SLC16A5: variants seen among roughly 807,000 people sequenced by gnomAD.
The protein encoded by SLC16A5 is monocarboxylate transporter 6.
Under a neutral mutation model 33.2 loss-of-function variants are expected in SLC16A5, and 29 were observed. The ratio of observed to expected loss-of-function variants is 0.87; its 90% CI spans 0.65 to 1.19. The LOEUF (loss-of-function observed/expected upper bound fraction) is 1.19, where lower values mean the gene tolerates loss of function less well. Ranked by LOEUF, SLC16A5 falls within the 50% of genes most tolerant of loss-of-function variation. The pLI, the probability that SLC16A5 is intolerant of heterozygous loss-of-function variation, is 0.00. For synonymous variants in SLC16A5, 248 were observed against 284.1 expected (o/e 0.87, Z 1.28); for missense variants, 606 against 678.2 (o/e 0.89, Z 1.18).
At chr17:75,109,321 G>A (rs111492455), downstream of SLC16A5, among the ~76,000 whole-genome samples, 671 of 152,284 alleles carry the variant, frequency 4.4e-3, 2 homozygotes, top group African/African-American at 0.015. This position sits in a 1 kb window ranked among gnomAD's most constrained non-coding sequence, Gnocchi z 5.0. Context: ...CAGAGGTGGC[G>A]GACCCACCTC....
intron 1 of SLC16A5, among the ~76,000 whole-genome samples, chr17:75,088,495 C>T (rs2031273821): frequency 6.6e-6 from 1 of 152,146 alleles, no homozygotes; most frequent in South Asian, 2.1e-4. Flanking sequence ...GCCCCAGCCA[C>T]CCCACCTCTG....
In SLC16A5 at chr17:75,100,710, C is replaced by A. The variant is rs773792895; in HGVS notation, c.1047C>A (p.Ile349=). ...CCATGAGTGGCATCGGCGCCCTCAT[C>A]TTCCAGGTTCTCATGGACATCGTCC... ...SVSMSGIGAL[I]FQVLMDIVPM... is the part of the protein sequence containing the mutation. Residue 349 remains isoleucine, a synonymous_variant, in exon 5 of 7, where the codon ATC becomes ATA. Transcript: ENST00000329783. The A allele has an allele frequency of 3.5e-5, 56 of 1,614,106 alleles. No individual in the cohort carries two copies. The highest frequency in any genetic ancestry group is 4.7e-5 in the Non-Finnish European group (55 of 1,180,054).
In SLC16A5 at chr17:75,103,054, C is replaced by G. The variant is rs758669585; in HGVS notation, c.1154-916C>G. Among the ~76,000 whole-genome samples the G allele has an allele frequency of 4.6e-5, 7 of 152,170 alleles. No individual in the cohort carries two copies. The South Asian group carries it at 1.4e-3, about 31-fold the overall frequency. On this transcript the variant is annotated intron_variant, in intron 5 of 6. Transcript: ENST00000329783. ...TACAGGTGCGTGCCACCACACTCGG[C>G]TAATTTTTGTATTTTTAGTAGAGAT...
At chr17:75,099,837 G>A (rs1336645617) in intron 4 of SLC16A5, 170 bp from the exon 5 acceptor site, 3 of 644,638 alleles carry the variant, frequency 4.7e-6, no homozygotes, top group Non-Finnish European at 7.9e-6. Flanking sequence ...GGTGCCTACA[G>A]GGAGGTGGCG....
downstream of SLC16A5, among the ~76,000 whole-genome samples, chr17:75,106,666 G>A (rs1202498880): frequency 1.3e-5 from 2 of 151,320 alleles, no homozygotes; most frequent in Non-Finnish European, 2.9e-5. Flanking sequence ...AGGCCAAGAT[G>A]GGTGGGTCAC....
Position 75,093,684 on chromosome 17 carries a change from G to A in SLC16A5, c.48G>A (p.Val16=), listed in dbSNP as rs948102272. The part of the protein sequence containing the change: ...ERADGSWAWV[V]LLATMVTQGL... ...CAGATGGCAGCTGGGCCTGGGTGGT[G>A]CTGCTGGCCACCATGGTGACCCAGG... The change falls in exon 3 of 7, where the codon GTG becomes GTA. Residue 16 remains valine, a synonymous_variant. Coordinates refer to ENST00000329783, the MANE Select transcript of SLC16A5 (RefSeq NM_004695.4). 1 of 1,613,814 alleles carries A rather than the reference G, an allele frequency of 6.2e-7. No individual in the cohort carries two copies. Among genetic ancestry groups the A allele is most frequent in the African/African-American group, 1.3e-5 (1 of 74,924 alleles).
chr17:75,088,552 T>A (rs923803567), intron 1 of SLC16A5, among the ~76,000 whole-genome samples: 4 of 152,172 alleles, frequency 2.6e-5, no homozygotes, highest in Non-Finnish European at 4.4e-5. Flanking sequence ...TGAGGGTTCC[T>A]CAGCCCCAAG....
chr17:75,092,822 C>CGT (rs10541835), intron 2 of SLC16A5, among the ~76,000 whole-genome samples: 1,691 of 136,048 alleles, frequency 0.012, 14 homozygotes, highest in Middle Eastern at 0.025. Flanking sequence ...TGTGCCACTG[C>CGT]GTGTGTGTGT....
Position 75,106,095 on chromosome 17 carries a change from G to C in SLC16A5, c.*62G>C. The C allele has an allele frequency of 6.5e-6, 5 of 772,590 alleles. No individual in the cohort carries two copies. The South Asian group carries it at 1.1e-4, about 17-fold the overall frequency. 47.9% of individuals were successfully genotyped at this position (772,590 alleles called of 1,614,324 possible). ...GTTGGGCAAATTGTTGACCACCTCT[G>C]AGCCTTGAAAAAGTAGGAGGTTACT... On this transcript the variant is annotated 3_prime_UTR_variant, in exon 7 of 7. Transcript: ENST00000329783.
In SLC16A5 at chr17:75,098,129, C is replaced by T; in HGVS notation, c.291C>T (p.Ser97=). Residue 97 remains serine, a synonymous_variant, in exon 4 of 7, where the codon AGC becomes AGT. Coordinates refer to ENST00000329783, the MANE Select transcript of SLC16A5 (RefSeq NM_004695.4). ...GVLASLGMVA[S]SFSHNLSQLY... ...TGGCCAGCCTGGGCATGGTGGCCAG[C>T]TCCTTCTCTCACAACCTCAGCCAGC... 1 of 1,612,004 alleles carries T rather than the reference C, an allele frequency of 6.2e-7. No individual in the cohort carries two copies. Among genetic ancestry groups the T allele is most frequent in the Non-Finnish European group, 8.5e-7 (1 of 1,179,172 alleles).
Position 75,098,039 on chromosome 17 carries a change from GC to G in SLC16A5, c.205del (p.Leu69CysfsTer13). On this transcript the variant is annotated frameshift_variant and splice_region_variant, in exon 4 of 7. Coordinates refer to ENST00000329783, the MANE Select transcript of SLC16A5 (RefSeq NM_004695.4). LOFTEE classifies it high-confidence loss of function. ...ILTAVLHMAG[P>X]LCSILVGRFG... Reference sequence around the variant, plus strand: ...CCTGCTGGCTGTCTTCTCCCACAGGGCCCCTGTGCAGCATCCTGGTGGGACG... The same window carrying G: ...CCTGCTGGCTGTCTTCTCCCACAGGGCCCTGTGCAGCATCCTGGTGGGACG... 6.3e-7 allele frequency: 1 copy of G among 1,584,982 alleles called. No individual in the cohort carries two copies. The highest frequency in any genetic ancestry group is 8.5e-7 in the Non-Finnish European group (1 of 1,170,068).
At chr17:75,102,291 CCA>C (rs1754359287) in intron 5 of SLC16A5, among the ~76,000 whole-genome samples, 1 of 152,102 alleles carries the variant, frequency 6.6e-6, no homozygotes, top group Non-Finnish European at 1.5e-5. Flanking sequence ...GTCTATAATC[CCA>C]GTTACTTGGG....
At chr17:75,100,911 C>T in intron 5 of SLC16A5, 95 bp downstream of exon 5, 1 of 1,254,738 alleles carries the variant, frequency 8.0e-7, no homozygotes, top group Admixed American at 2.7e-5. Context: ...AGAGGTTGTG[C>T]TACAGCTGGT....
At position 75,106,130 on chromosome 17, in the gene SLC16A5, C is replaced by T. The variant is rs2073860702; in HGVS notation, c.*97C>T. ...AAAGTAGGAGGTTACTTTGTTAGAG[C>T]AAAATAATAAAATTTAATTTTAAAA... On this transcript the variant is annotated 3_prime_UTR_variant, in exon 7 of 7. Coordinates refer to ENST00000329783, the MANE Select transcript of SLC16A5 (RefSeq NM_004695.4). 1.1e-5 allele frequency: 6 copies of T among 527,970 alleles called. No individual in the cohort carries two copies. Among genetic ancestry groups the T allele is most frequent in the Non-Finnish European group, 2.0e-5 (6 of 306,006 alleles). 32.7% of individuals were successfully genotyped at this position (527,970 alleles called of 1,614,324 possible).
intron 5 of SLC16A5, among the ~76,000 whole-genome samples, chr17:75,102,972 C>T (rs950201476): frequency 6.6e-6 from 1 of 152,066 alleles, no homozygotes; most frequent in African/African-American, 2.4e-5. Context: ...CTCACTGCAA[C>T]CTCTGCCTCC....
chr17:75,104,257 T>C (rs2145078836), intron 6 of SLC16A5, 77 bp downstream of exon 6: 2 of 1,561,916 alleles, frequency 1.3e-6, no homozygotes, highest in African/African-American at 1.4e-5. Flanking sequence ...GAGTGAACAC[T>C]GTCTCAGCCC....
chr17:75,105,661 A>G (rs1241716073), intron 6 of SLC16A5: 1 of 985,334 alleles, frequency 1.0e-6, no homozygotes, highest in Admixed American at 6.2e-5. Flanking sequence ...ATGATAAAAC[A>G]GAATGTGTTT....
intron 4 of SLC16A5, among the ~76,000 whole-genome samples, chr17:75,098,579 C>T (rs946153291): frequency 2.6e-5 from 4 of 152,026 alleles, no homozygotes; most frequent in Admixed American, 6.6e-5. Flanking sequence ...AAACAAAGTG[C>T]TGGGATTACA....
chr17:75,091,502 G>A (rs1376246617), intron 2 of SLC16A5, among the ~76,000 whole-genome samples: 2 of 152,186 alleles, frequency 1.3e-5, no homozygotes, highest in African/African-American at 2.4e-5. Context: ...CTGAGGCTGC[G>A]ATGAATGGGA....
Sources: allele counts gnomAD v4.1 joint callset (sites outside exome capture counted in the v4.1 genomes callset), GRCh38; gene constraint gnomAD v4.1.1; non-coding constraint Gnocchi (gnomAD v3.1); transcripts MANE v1.5; gene names NCBI Gene and HGNC (gene_info 2026-07-23, HGNC 2026-07-21).